Variants in PARN observed in about 807,000 individuals in gnomAD.
PARN encodes poly(A)-specific ribonuclease.
In PARN, 71 loss-of-function variants were observed where a neutral mutation model predicts 102.8. That is an observed-to-expected ratio of 0.69 (90% confidence interval 0.57 to 0.84). PARN has a LOEUF of 0.84. PARN is among the 40% of genes least tolerant of loss of function. The pLI is 0.00. For synonymous variants in PARN, 261 were observed against 252.9 expected (o/e 1.03, Z -0.30); for missense variants, 782 against 760.9 (o/e 1.03, Z -0.33).
intron 5 of PARN, among the ~76,000 whole-genome samples, chr16:14,618,545 C>G (rs1276992423): frequency 1.3e-5 from 2 of 150,238 alleles, no homozygotes; most frequent in Non-Finnish European, 3.0e-5. Flanking sequence ...CCTGCAATCC[C>G]AGTTACTCAG....
At chr16:14,497,052 T>C (rs188920429) in intron 21 of PARN, among the ~76,000 whole-genome samples, 1 of 152,312 alleles carries the variant, frequency 6.6e-6, no homozygotes, top group Admixed American at 6.5e-5. Context: ...CCCAATTTAA[T>C]GCCAGCATAC....
intron 18 of PARN, chr16:14,578,564 G>A (rs556642946): frequency 6.6e-6 from 1 of 151,808 alleles, no homozygotes; most frequent in Non-Finnish European, 1.5e-5. Flanking sequence ...GCTGAGACAG[G>A]AGAATCACTT....
chr16:14,516,371 T>C (rs1323240714), intron 21 of PARN, among the ~76,000 whole-genome samples: 1 of 152,076 alleles, frequency 6.6e-6, no homozygotes, highest in South Asian at 2.1e-4. Context: ...AGGCTCAATA[T>C]TGCATGCTGA....
chr16:14,610,834 C>A (rs765544820), intron 6 of PARN, 25 bp from the exon 7 acceptor site: 5 of 1,519,778 alleles, frequency 3.3e-6, no homozygotes, highest in Non-Finnish European at 4.6e-6. Flanking sequence ...AAAAAGAATG[C>A]ATTAGCAGAA....
chr16:14,617,059 T>C (rs1175852643), intron 6 of PARN, among the ~76,000 whole-genome samples: 2 of 149,774 alleles, frequency 1.3e-5, no homozygotes, highest in African/African-American at 4.9e-5. Flanking sequence ...TGGCTGATTA[T>C]GTTTTTTGTT....
intron 21 of PARN, among the ~76,000 whole-genome samples, chr16:14,534,146 G>A (rs1032825944): frequency 3.3e-5 from 5 of 151,390 alleles, no homozygotes; most frequent in African/African-American, 4.9e-5. Flanking sequence ...CTGAGCCCGG[G>A]AGGTCAAGGC....
intron 11 of PARN, 47 bp from the exon 12 acceptor site, chr16:14,600,007 C>A (rs1188575360): frequency 9.3e-7 from 1 of 1,080,124 alleles, no homozygotes; most frequent in Admixed American, 2.4e-5. Flanking sequence ...TATAAATATT[C>A]CTTATGTGAA....
chr16:14,467,865 T>C (rs985959208), intron 22 of PARN, among the ~76,000 whole-genome samples: 2 of 152,230 alleles, frequency 1.3e-5, no homozygotes, highest in African/African-American at 4.8e-5. Context: ...CTGCATGGCC[T>C]TCTGAGCAGG....
At chr16:14,574,567 G>C (rs1327521229) in intron 18 of PARN, among the ~76,000 whole-genome samples, 1 of 152,054 alleles carries the variant, frequency 6.6e-6, no homozygotes, top group African/African-American at 2.4e-5. Context: ...ACAAAAATTA[G>C]CTGGGCGTGG....
chr16:14,567,536 C>A (rs1968505874), intron 18 of PARN, among the ~76,000 whole-genome samples: 2 of 152,182 alleles, frequency 1.3e-5, no homozygotes, highest in Admixed American at 6.5e-5. Flanking sequence ...AGGATATCAT[C>A]TTTTAAAAGA....
intron 22 of PARN, among the ~76,000 whole-genome samples, chr16:14,461,597 A>G (rs944492740): frequency 1.3e-5 from 2 of 152,180 alleles, no homozygotes; most frequent in African/African-American, 4.8e-5. Flanking sequence ...CACTTTCCTC[A>G]TTTATGCTGA....
chr16:14,510,588 T>C (rs1331979348), intron 21 of PARN, among the ~76,000 whole-genome samples: 1 of 152,176 alleles, frequency 6.6e-6, no homozygotes, highest in Non-Finnish European at 1.5e-5. Flanking sequence ...AAGAAAATAA[T>C]TACTTAGTTA....
At chr16:14,460,384 G>C (rs1961899412) in intron 22 of PARN, among the ~76,000 whole-genome samples, 1 of 152,164 alleles carries the variant, frequency 6.6e-6, no homozygotes, top group South Asian at 2.1e-4. Context: ...GGAGCTGAAG[G>C]AAACTTTACA....
intron 21 of PARN, among the ~76,000 whole-genome samples, chr16:14,521,171 A>G (rs765426311): frequency 1.3e-5 from 2 of 152,242 alleles, no homozygotes; most frequent in Non-Finnish European, 2.9e-5. Flanking sequence ...GCAAACCTAA[A>G]CATTCCCTTT....
intron 13 of PARN, among the ~76,000 whole-genome samples, chr16:14,591,669 G>A (rs952060230): frequency 2.0e-5 from 3 of 152,184 alleles, no homozygotes; most frequent in African/African-American, 7.2e-5. Context: ...TGGGCTGAAG[G>A]TTGAAGGGGG....
chr16:14,558,221 T>C (rs1967823557), intron 18 of PARN, among the ~76,000 whole-genome samples: 1 of 152,092 alleles, frequency 6.6e-6, no homozygotes, highest in Non-Finnish European at 1.5e-5. Flanking sequence ...TCACCTGAGG[T>C]CAGGAGTTTG....
At chr16:14,551,517 C>T (rs1288852169) in intron 21 of PARN, among the ~76,000 whole-genome samples, 1 of 151,892 alleles carries the variant, frequency 6.6e-6, no homozygotes, top group African/African-American at 2.4e-5. Context: ...TGCAGTGAGC[C>T]GACATTGCGC....
chr16:14,480,028 C>T (rs891497439), intron 22 of PARN, among the ~76,000 whole-genome samples: 5 of 151,674 alleles, frequency 3.3e-5, no homozygotes, highest in African/African-American at 1.2e-4. Context: ...ATAAACAAGA[C>T]TTTATGAAAA....
At chr16:14,578,706 C>G (rs1310573513) in intron 18 of PARN, 1 of 151,968 alleles carries the variant, frequency 6.6e-6, no homozygotes, top group African/African-American at 2.4e-5. Flanking sequence ...TATTTCAAAT[C>G]TTGCAGGAAT....
Sources: gnomAD v4.1 joint callset for allele counts (sites outside exome capture counted in the v4.1 genomes callset) on GRCh38, gnomAD v4.1.1 for gene constraint, MANE v1.5 for transcripts, NCBI Gene and HGNC (gene_info 2026-07-23, HGNC 2026-07-21) for gene names.